Variants in DEF8 observed in about 807,000 individuals in gnomAD.
DEF8 encodes the protein differentially expressed in FDCP 8 homolog.
A neutral mutation model predicts 59.1 loss-of-function variants in DEF8; 38 were observed. That is an observed-to-expected ratio of 0.64 (90% confidence interval 0.50 to 0.84). DEF8 has a LOEUF of 0.84. Ranked by LOEUF, DEF8 falls within the 40% of genes least tolerant of loss-of-function variation. DEF8 has a pLI of 0.00. For synonymous variants in DEF8, 265 were observed against 250.1 expected (o/e 1.06, Z -0.56); for missense variants, 557 against 615.2 (o/e 0.91, Z 1.00).
intron 9 of DEF8, among the ~76,000 whole-genome samples, chr16:89,963,129 G>A (rs181673220): frequency 2.5e-3 from 376 of 152,376 alleles, no homozygotes; most frequent in Non-Finnish European, 4.2e-3. Context: ...GTGTGCCTGT[G>A]GGGCCGGGTG....
Position 89,964,284 on chromosome 16 carries a change from G to A in DEF8, c.1117G>A (p.Ala373Thr), listed in dbSNP as rs749923017. ...CSLTEIHTLF[A>T]KHIKLDCERC... is the part of the protein sequence containing the mutation. ...GCTCACCGAGATCCACACGCTCTTC[G>A]CCAAGCACATCAAGCTGGACTGCGA... Residue 373 changes from alanine (A) to threonine (T), a missense_variant, in exon 11 of 13, where the codon GCC becomes ACC. By Grantham distance (58) the Ala-to-Thr change is moderately conservative (BLOSUM62 0). Transcript: ENST00000563594. The A allele has an allele frequency of 2.5e-6, 4 of 1,600,550 alleles. No individual in the cohort carries two copies. The highest frequency in any genetic ancestry group is 3.4e-5 in the Admixed American group (2 of 59,382).
At position 89,966,362 on chromosome 16, in the gene DEF8, A is replaced by G; in HGVS notation, c.*399A>G. The G allele has an allele frequency of 6.0e-6, 1 of 167,958 alleles. No homozygotes were observed. Among genetic ancestry groups the G allele is most frequent in the Non-Finnish European group, 1.3e-5 (1 of 77,036 alleles). 10.4% of individuals were successfully genotyped at this position (167,958 alleles called of 1,614,324 possible). On this transcript the variant is annotated 3_prime_UTR_variant, in exon 13 of 13. Coordinates refer to ENST00000563594, the MANE Select transcript of DEF8 (RefSeq NM_001242818.2). The stretch of plus-strand genomic sequence containing the variant: ...CACCCTGGAAGCTCATCAGGCCAAG[A>G]CCCGGACAGAGCTTCAGAGGAGTGT...
At chr16:89,956,370 G>C (rs1339379816) in intron 4 of DEF8, among the ~76,000 whole-genome samples, 1 of 151,306 alleles carries the variant, frequency 6.6e-6, no homozygotes, top group East Asian at 2.0e-4. Context: ...TGAGGCAGGA[G>C]AATCGCTTGA....
chr16:89,965,243 G>A (rs114590058), intron 12 of DEF8, among the ~76,000 whole-genome samples: 2 of 152,194 alleles, frequency 1.3e-5, no homozygotes, highest in African/African-American at 4.8e-5. Flanking sequence ...CACCTTTTGG[G>A]CCTCACACAT....
At chr16:89,949,357 C>T (rs117732683) in intron 1 of DEF8, 60 bp from the exon 2 acceptor site, 127,917 of 1,389,294 alleles carry the variant, frequency 0.092, 6,552 homozygotes, top group Middle Eastern at 0.16. Context: ...GGAGACCGGG[C>T]GAGCTCCCGC....
chr16:89,948,767 C>A lies in DEF8; in HGVS notation c.-155C>A, dbSNP rs2151102370. The A allele has an allele frequency of 1.0e-6, 1 of 984,208 alleles. No individual in the cohort carries two copies. The highest frequency in any genetic ancestry group is 1.1e-4 in the East Asian group (1 of 8,706). 61.0% of individuals were successfully genotyped at this position (984,208 alleles called of 1,614,324 possible). A position where few individuals can be genotyped will look rare whatever the true frequency, so the allele number is the denominator to read the frequency against. On this transcript the variant is annotated 5_prime_UTR_variant, in exon 1 of 13. Transcript: ENST00000563594. ...GGCTGGATCCAGCGTAGCGGGGCGG[C>A]CGGGCGGATCCAGCGCAGCCGGGAG...
intron 4 of DEF8, among the ~76,000 whole-genome samples, chr16:89,955,515 G>A (rs994413237): frequency 6.6e-6 from 1 of 152,182 alleles, no homozygotes; most frequent in Non-Finnish European, 1.5e-5. Context: ...GAGAGCCTGG[G>A]ATTGGGGTTC....
rs151177056 is a variant in DEF8, at chr16:89,957,417, C to T, written c.223-94C>T. On this transcript the variant is annotated intron_variant, in intron 4 of 12. Transcript: ENST00000563594. ...GTTTCCTTCTCTGGGTGAGGGGTGT[C>T]GGGGTCTGCTCTGGGCCTGTCTCGG... 6.5e-4 allele frequency: 878 copies of T among 1,349,144 alleles called. 6 individuals carry two copies. In the African/African-American group the frequency reaches 0.011, roughly 17 times the overall value. The allele number at this position is 1,349,144 out of a possible 1,614,324, so 83.6% of individuals were successfully genotyped here. A position where few individuals can be genotyped will look rare whatever the true frequency, so the allele number is the denominator to read the frequency against.
chr16:89,964,103 G>A (rs549435506), intron 10 of DEF8, 67 bp from the exon 11 acceptor site: 55 of 1,607,808 alleles, frequency 3.4e-5, no homozygotes, highest in East Asian at 1.6e-4. Context: ...CCACTGCAGC[G>A]ACCATGGGTG....
In DEF8 at chr16:89,960,919, C is replaced by T. The variant is rs755139178; in HGVS notation, c.515-12C>T. 84 of 1,609,404 alleles carry T rather than the reference C, an allele frequency of 5.2e-5. No homozygotes were observed. The highest frequency in any genetic ancestry group is 1.9e-4 in the Middle Eastern group (1 of 5,210). ...TTCCCGCTTTTGAGAAGTGTGTGTC[C>T]CTCCACCCTAGGGTGTTATTACCGC... On this transcript the variant is annotated splice_polypyrimidine_tract_variant and intron_variant, in intron 6 of 12. Transcript: ENST00000563594.
intron 10 of DEF8, chr16:89,963,737 T>C (rs948674445): frequency 3.9e-6 from 2 of 513,252 alleles, no homozygotes; most frequent in East Asian, 6.7e-5. Flanking sequence ...CATCTAATTA[T>C]GTGCTCAACA....
Position 89,954,211 on chromosome 16 carries a change from G to C in DEF8, c.-10-32G>C. ...GTGGTCCGTGGTGAGCCTGGTACCT[G>C]GGGACTCATCCTGGCCCTGCCTGGC... On this transcript the variant is annotated intron_variant, in intron 2 of 12. Coordinates refer to ENST00000563594, the MANE Select transcript of DEF8 (RefSeq NM_001242818.2). This position sits in a 1 kb window ranked among gnomAD's most constrained non-coding sequence, Gnocchi z 4.3. 1 of 1,605,208 alleles carries C rather than the reference G, an allele frequency of 6.2e-7. No individual in the cohort carries two copies. Among genetic ancestry groups the C allele is most frequent in the Non-Finnish European group, 8.5e-7 (1 of 1,176,302 alleles).
chr16:89,950,209 C>G, intron 2 of DEF8: 4 of 986,224 alleles, frequency 4.1e-6, no homozygotes, highest in Non-Finnish European at 4.8e-6. Flanking sequence ...AGCTCCTGCA[C>G]CTTTTTCCTG....
intron 1 of DEF8, among the ~76,000 whole-genome samples, chr16:89,949,215 C>A (rs1002626092): frequency 5.9e-5 from 9 of 151,852 alleles, no homozygotes; most frequent in African/African-American, 1.9e-4. Context: ...GGCGTCCACA[C>A]CAGCTGCGTG....
In DEF8 at chr16:89,954,093, A is replaced by G; in HGVS notation, c.-10-150A>G. The G allele has an allele frequency of 1.3e-6, 1 of 784,096 alleles. No individual in the cohort carries two copies. The highest frequency in any genetic ancestry group is 1.8e-5 in the South Asian group (1 of 54,304). 48.6% of individuals were successfully genotyped at this position (784,096 alleles called of 1,614,324 possible). A position where few individuals can be genotyped will look rare whatever the true frequency, so the allele number is the denominator to read the frequency against. ...GCTGAGGTGTTTCAGGAAAAGGCTG[A>G]AGATCAAGGCTGTGGTGTGAGGACT... is the stretch of plus-strand genomic sequence containing the variant. On this transcript the variant is annotated intron_variant, in intron 2 of 12. Coordinates refer to ENST00000563594, the MANE Select transcript of DEF8 (RefSeq NM_001242818.2). This position sits in a 1 kb window ranked among gnomAD's most constrained non-coding sequence, Gnocchi z 4.3.
chr16:89,963,667 G>T, intron 10 of DEF8: 1 of 568,246 alleles, frequency 1.8e-6, no homozygotes, highest in Admixed American at 3.2e-5. Flanking sequence ...AATCTCCATG[G>T]GGTGGGTCCA....
intron 12 of DEF8, among the ~76,000 whole-genome samples, 154 bp from the exon 13 acceptor site, chr16:89,965,707 A>G (rs991204429): frequency 2.0e-5 from 3 of 152,114 alleles, no homozygotes; most frequent in Non-Finnish European, 4.4e-5. Flanking sequence ...CGCTCTGCAC[A>G]CGGCCATACA....
At chr16:89,951,880 G>T (rs980636510) in intron 2 of DEF8, among the ~76,000 whole-genome samples, 19 of 147,626 alleles carry the variant, frequency 1.3e-4, no homozygotes, top group African/African-American at 3.4e-4. Context: ...ATGTAAAAAA[G>T]ATTTTTTTTT....
chr16:89,965,970 G>C lies in DEF8; in HGVS notation c.*7G>C, dbSNP rs746545415. On this transcript the variant is annotated 3_prime_UTR_variant, in exon 13 of 13. Coordinates refer to ENST00000563594, the MANE Select transcript of DEF8 (RefSeq NM_001242818.2). ...TCCCGATGTGGAGGCCTAGCGCCGA[G>C]GAACAGTGCTGGGCACCCCGCCTGG... The C allele has an allele frequency of 6.2e-7, 1 of 1,607,284 alleles. No individual in the cohort carries two copies. The highest frequency in any genetic ancestry group is 1.7e-5 in the Admixed American group (1 of 59,676).
Sources: gnomAD v4.1 joint callset for allele counts (sites outside exome capture counted in the v4.1 genomes callset) on GRCh38, gnomAD v4.1.1 for gene constraint, Gnocchi (gnomAD v3.1) non-coding constraint, MANE v1.5 for transcripts, NCBI Gene and HGNC (gene_info 2026-07-23, HGNC 2026-07-21) for gene names.